Variants in TAB2 observed in about 807,000 individuals in gnomAD.
TAB2 encodes TGF-beta-activated kinase 1 and MAP3K7-binding protein 2.
A neutral mutation model predicts 65.0 loss-of-function variants in TAB2; 3 were observed. The observed-to-expected ratio is 0.05, with a 90% CI of 0.02 to 0.12. The LOEUF (loss-of-function observed/expected upper bound fraction) is 0.12. Ranked by LOEUF, TAB2 falls within the 10% of genes least tolerant of loss-of-function variation. TAB2 has a pLI of 1.00. For synonymous variants in TAB2, 298 were observed against 285.1 expected (o/e 1.05, Z -0.46); for missense variants, 623 against 840.3 (o/e 0.74, Z 3.20).
At chr6:149,300,072 T>A (rs1778944795) in intron 1 of TAB2, among the ~76,000 whole-genome samples, 1 of 152,190 alleles carries the variant, frequency 6.6e-6, no homozygotes, top group African/African-American at 2.4e-5. Flanking sequence ...TATACCTTTT[T>A]TCTTCCTATT....
intron 2 of TAB2, 57 bp downstream of exon 2, chr6:149,370,156 T>C: frequency 9.0e-7 from 1 of 1,113,452 alleles, no homozygotes; most frequent in Non-Finnish European, 1.2e-6. Flanking sequence ...TTTTTAAACA[T>C]TGGAAGAAAA....
intron 6 of TAB2, among the ~76,000 whole-genome samples, chr6:149,399,700 C>A (rs1163587881): frequency 3.9e-5 from 6 of 152,040 alleles, no homozygotes; most frequent in Non-Finnish European, 5.9e-5. Flanking sequence ...GTGTTTTGAT[C>A]CAGGCATTAA....
chr6:149,360,628 C>T (rs1356732445), intron 1 of TAB2, among the ~76,000 whole-genome samples: 1 of 152,118 alleles, frequency 6.6e-6, no homozygotes, highest in Non-Finnish European at 1.5e-5. Context: ...ATTATTCCGC[C>T]CCTGCCTCTC....
Position 149,378,730 on chromosome 6 carries a change from A to G in TAB2, c.815A>G (p.Gln272Arg). The G allele has an allele frequency of 6.2e-7, 1 of 1,614,116 alleles. No homozygotes were observed. The highest frequency in any genetic ancestry group is 1.1e-5 in the South Asian group (1 of 91,072). Residue 272 changes from glutamine to arginine, a missense_variant, in exon 3 of 7, where the codon CAG becomes CGG. Gln to Arg is a conservative substitution (Grantham distance 43). Coordinates refer to ENST00000637181, the MANE Select transcript of TAB2 (RefSeq NM_001292034.3). ...CCTCTGTCACATACCTCATCTCAACAGCCAAATCAGCAAGGCCACCAGACC... is the reference window on the plus strand; with the variant it reads ...CCTCTGTCACATACCTCATCTCAACGGCCAAATCAGCAAGGCCACCAGACC... ...SNPLSHTSSQQPNQQGHQTSH... is the reference protein window; with the variant it reads ...SNPLSHTSSQRPNQQGHQTSH...
At chr6:149,290,288 A>G (rs976323294) in intron 1 of TAB2, among the ~76,000 whole-genome samples, 2 of 152,132 alleles carry the variant, frequency 1.3e-5, no homozygotes, top group Admixed American at 6.5e-5. Context: ...GCAGGAACCC[A>G]TGGCTCATCC....
intron 1 of TAB2, among the ~76,000 whole-genome samples, chr6:149,275,234 G>GAGAAAGAAAGAAAGA (rs1554255827): frequency 1.7e-4 from 11 of 65,390 alleles, no homozygotes; most frequent in African/African-American, 9.6e-4. Flanking sequence ...GGGAGAGAGA[G>GAGAAAGAAAGAAAGA]AGAAAGAAAG....
At chr6:149,270,853 G>C (rs976237678) in intron 1 of TAB2, among the ~76,000 whole-genome samples, 1 of 152,090 alleles carries the variant, frequency 6.6e-6, no homozygotes, top group Non-Finnish European at 1.5e-5. Flanking sequence ...ACATAAAAGA[G>C]TGGTGAAGAT....
intron 6 of TAB2, among the ~76,000 whole-genome samples, chr6:149,407,796 A>T (rs1428314002): frequency 6.6e-6 from 1 of 151,958 alleles, no homozygotes; most frequent in Admixed American, 6.6e-5. Context: ...AAAAATCATA[A>T]TTCTAAGTTT....
chr6:149,249,842 G>A (rs946894653), intron 1 of TAB2, among the ~76,000 whole-genome samples: 2 of 152,210 alleles, frequency 1.3e-5, no homozygotes, highest in African/African-American at 2.4e-5. Flanking sequence ...TTCAAGAGAT[G>A]GATAGACAAC....
At chr6:149,382,585 C>T (rs771666308) in intron 3 of TAB2, among the ~76,000 whole-genome samples, 1 of 150,550 alleles carries the variant, frequency 6.6e-6, no homozygotes, top group African/African-American at 2.5e-5. Context: ...GACAGCAAGA[C>T]TTTGTCTAAA....
intron 1 of TAB2, among the ~76,000 whole-genome samples, chr6:149,309,519 C>T (rs1262777539): frequency 6.6e-6 from 1 of 152,018 alleles, no homozygotes; most frequent in Non-Finnish European, 1.5e-5. Flanking sequence ...GCCTCAGCCT[C>T]CCGAGTAGCT....
chr6:149,344,095 ATTTG>A (rs1404608735), intron 1 of TAB2, among the ~76,000 whole-genome samples: 3 of 152,324 alleles, frequency 2.0e-5, no homozygotes, highest in East Asian at 1.9e-4. Flanking sequence ...GTGCCACATT[ATTTG>A]TTTGGTGTTT....
At chr6:149,281,404 G>GC in intron 1 of TAB2, among the ~76,000 whole-genome samples, 1 of 151,644 alleles carries the variant, frequency 6.6e-6, no homozygotes. Context: ...CAGCAAAGGA[G>GC]ACAAAAGGAA....
intron 6 of TAB2, among the ~76,000 whole-genome samples, chr6:149,408,537 T>C (rs894705911): frequency 1.3e-5 from 2 of 152,212 alleles, no homozygotes; most frequent in South Asian, 2.1e-4. Flanking sequence ...AGAAAAGTTA[T>C]CAGTAGGGTA....
At chr6:149,240,344 C>T (rs946128548) in intron 1 of TAB2, among the ~76,000 whole-genome samples, 2 of 152,194 alleles carry the variant, frequency 1.3e-5, no homozygotes, top group East Asian at 1.9e-4. Flanking sequence ...CACCTCCTGC[C>T]GTGGTGGCAG....
At chr6:149,218,632 C>T (rs192766647), upstream of TAB2, 5 of 390,160 alleles carry the variant, frequency 1.3e-5, no homozygotes, top group African/African-American at 2.1e-5. Flanking sequence ...GATGAGAAGA[C>T]TAATGCTCAG....
intron 1 of TAB2, among the ~76,000 whole-genome samples, chr6:149,241,116 A>G (rs1321743133): frequency 6.6e-6 from 1 of 152,174 alleles, no homozygotes; most frequent in African/African-American, 2.4e-5. Context: ...CCTACACACC[A>G]CAAGAAGAGG....
chr6:149,358,969 CTTAA>C (rs1349525061), intron 1 of TAB2, among the ~76,000 whole-genome samples: 1 of 151,944 alleles, frequency 6.6e-6, no homozygotes, highest in African/African-American at 2.4e-5. Flanking sequence ...TTCTAGAAGT[CTTAA>C]TTGATTCTTT....
chr6:149,222,177 TG>T (rs1399590841), intron 1 of TAB2, among the ~76,000 whole-genome samples: 1 of 152,210 alleles, frequency 6.6e-6, no homozygotes, highest in African/African-American at 2.4e-5. Flanking sequence ...AGATTATGAC[TG>T]TGACTTACAC....
Sources: gnomAD v4.1 joint callset for allele counts (sites outside exome capture counted in the v4.1 genomes callset) on GRCh38, gnomAD v4.1.1 for gene constraint, MANE v1.5 for transcripts, NCBI Gene and HGNC (gene_info 2026-07-23, HGNC 2026-07-21) for gene names.